TRPM1: variants seen among roughly 807,000 people sequenced by gnomAD.
TRPM1 encodes transient receptor potential cation channel subfamily M member 1, also known as TRPM1-203 APA Isoform, Intron 10.
Under a neutral mutation model 149.4 loss-of-function variants are expected in TRPM1, and 113 were observed. The ratio of observed to expected loss-of-function variants is 0.76; its 90% CI spans 0.65 to 0.88. The LOEUF (loss-of-function observed/expected upper bound fraction) is 0.88, where lower values mean the gene tolerates loss of function less well. Ranked by LOEUF, TRPM1 falls within the 40% of genes least tolerant of loss-of-function variation. TRPM1 has a pLI of 0.00. For missense variants in TRPM1, 1,976 were observed against 2,038.7 expected, an observed-to-expected ratio of 0.97 and a Z score of 0.59; for synonymous variants, 741 against 759.5, an observed-to-expected ratio of 0.98 and a Z score of 0.40.
At chr15:31,081,572 C>T (rs2034859776) in intron 1 of TRPM1, 134 bp from the exon 2 acceptor site, 1 of 629,314 alleles carries the variant, frequency 1.6e-6, no homozygotes, top group Non-Finnish European at 2.8e-6. Flanking sequence ...GGCTCCCTGA[C>T]TCCCCATCTA....
At chr15:31,113,006 C>T (rs75062601) in intron 1 of TRPM1, among the ~76,000 whole-genome samples, 4,941 of 152,254 alleles carry the variant, frequency 0.032, 273 homozygotes, top group African/African-American at 0.11. Flanking sequence ...TCTGAGGTGC[C>T]GGTAAGTGTT....
At chr15:31,156,899 A>G (rs1386271981) in intron 1 of TRPM1, among the ~76,000 whole-genome samples, 1 of 151,388 alleles carries the variant, frequency 6.6e-6, no homozygotes, top group Non-Finnish European at 1.5e-5. Context: ...CCCTTGTTTT[A>G]GATTTTTCTA....
chr15:31,024,115 C>T (rs2032640367), intron 27 of TRPM1, among the ~76,000 whole-genome samples: 1 of 152,130 alleles, frequency 6.6e-6, no homozygotes, highest in Admixed American at 6.5e-5. Flanking sequence ...CAGGGGCTGA[C>T]ATGCTCCTAA....
At chr15:31,152,940 G>A (rs1363145966) in intron 1 of TRPM1, among the ~76,000 whole-genome samples, 1 of 152,208 alleles carries the variant, frequency 6.6e-6, no homozygotes, top group Admixed American at 6.5e-5. Context: ...ACTGCACCCA[G>A]CCTAAAACAG....
intron 27 of TRPM1, among the ~76,000 whole-genome samples, chr15:31,006,105 A>G (rs1227240872): frequency 3.3e-5 from 5 of 152,258 alleles, no homozygotes; most frequent in Non-Finnish European, 5.9e-5. Context: ...ATACAGAAGC[A>G]TTCCAGATCC....
At chr15:31,076,866 C>A in intron 3 of TRPM1, 39 bp downstream of exon 3, 3 of 1,458,894 alleles carry the variant, frequency 2.1e-6, no homozygotes, top group Non-Finnish European at 2.9e-6. Context: ...CAGACAAGCA[C>A]TGGTTTGGAT....
rs141336370 is a variant in TRPM1 at position 31,069,531 on chromosome 15, C to T, written c.279+500G>A. ...GATCACAGAGCTGAAGCCTCCCCCA[C>T]GCTGGCAGGGCTCACTGGAAGGGCA... is the stretch of plus-strand genomic sequence containing the variant. On this transcript the variant is annotated intron_variant, in intron 4 of 27. Transcript: ENST00000256552. 1.2e-4 allele frequency: 142 copies of T among 1,141,012 alleles called. No individual in the cohort carries two copies. In the African/African-American group the frequency reaches 2.0e-3, roughly 16 times the overall value. The allele number at this position is 1,141,012 out of a possible 1,614,324, so 70.7% of individuals were successfully genotyped here. A position where few individuals can be genotyped will look rare whatever the true frequency, so the allele number is the denominator to read the frequency against.
At chr15:31,118,736 G>A (rs530545454) in intron 1 of TRPM1, among the ~76,000 whole-genome samples, 1 of 152,212 alleles carries the variant, frequency 6.6e-6, no homozygotes, top group South Asian at 2.1e-4. Flanking sequence ...GCTTCTCATT[G>A]TATCCTCACA....
chr15:31,048,788 G>A (rs1265833592), intron 13 of TRPM1, among the ~76,000 whole-genome samples: 1 of 151,976 alleles, frequency 6.6e-6, no homozygotes, highest in Non-Finnish European at 1.5e-5. Context: ...CCCCAGCCTG[G>A]GCAACAAGAG....
chr15:31,007,993 G>A (rs1295655933), intron 27 of TRPM1, among the ~76,000 whole-genome samples: 3 of 152,076 alleles, frequency 2.0e-5, no homozygotes, highest in African/African-American at 4.8e-5. Context: ...ACACACTGAT[G>A]GTATATAGAA....
chr15:31,045,876 A>C (rs562003199), intron 16 of TRPM1, among the ~76,000 whole-genome samples: 2 of 152,142 alleles, frequency 1.3e-5, no homozygotes, highest in Non-Finnish European at 1.5e-5. Flanking sequence ...TTGATTTAGG[A>C]CTATGAAAAT....
At chr15:31,141,346 T>C (rs541502418) in intron 1 of TRPM1, among the ~76,000 whole-genome samples, 1 of 152,250 alleles carries the variant, frequency 6.6e-6, no homozygotes, top group South Asian at 2.1e-4. Context: ...TATAGGTAAT[T>C]CTGTACACAA....
At chr15:31,022,477 T>TA (rs2032582560) in intron 27 of TRPM1, among the ~76,000 whole-genome samples, 1 of 151,520 alleles carries the variant, frequency 6.6e-6, no homozygotes, top group Admixed American at 6.6e-5. Context: ...CAAATAATAA[T>TA]AAAAAAGGAG....
intron 4 of TRPM1, among the ~76,000 whole-genome samples, chr15:31,068,698 T>C (rs1214324740): frequency 7.4e-6 from 1 of 134,682 alleles, no homozygotes; most frequent in African/African-American, 2.9e-5. Flanking sequence ...GAGCCAAGAT[T>C]GAGCCATTGC....
intron 11 of TRPM1, 143 bp from the exon 12 acceptor site, chr15:31,050,725 T>TGCACACATATGC (rs1364059849): frequency 2.8e-5 from 24 of 859,036 alleles, no homozygotes; most frequent in Middle Eastern, 6.3e-4. Context: ...ACCCACACAG[T>TGCACACATATGC]GCACACATAT....
intron 27 of TRPM1, among the ~76,000 whole-genome samples, chr15:31,008,969 C>T (rs902960397): frequency 6.6e-6 from 1 of 152,150 alleles, no homozygotes; most frequent in Non-Finnish European, 1.5e-5. Flanking sequence ...GAAGACTCAT[C>T]TTTATGTTTA....
At chr15:31,045,758 ATG>A (rs1404767115) in intron 16 of TRPM1, among the ~76,000 whole-genome samples, 2 of 152,240 alleles carry the variant, frequency 1.3e-5, no homozygotes, top group African/African-American at 4.8e-5. Context: ...TATGTTTTAC[ATG>A]TGTTTCAAAT....
At chr15:31,032,974 A>T (rs1181110951) in intron 21 of TRPM1, 34 bp from the exon 22 acceptor site, 2 of 1,613,228 alleles carry the variant, frequency 1.2e-6, no homozygotes, top group South Asian at 1.1e-5. Context: ...ATAAACTGAG[A>T]TGCCGTATTA....
At chr15:31,071,075 TTC>T (rs1443505249) in intron 3 of TRPM1, among the ~76,000 whole-genome samples, 1 of 152,198 alleles carries the variant, frequency 6.6e-6, no homozygotes, top group Non-Finnish European at 1.5e-5. Context: ...CTTTCTAGTC[TTC>T]TCTGAACATG....
Sources: allele counts gnomAD v4.1 joint callset (sites outside exome capture counted in the v4.1 genomes callset), GRCh38; gene constraint gnomAD v4.1.1; transcripts MANE v1.5; gene names NCBI Gene and HGNC (gene_info 2026-07-23, HGNC 2026-07-21).